The following UBAC2 variants were observed in gnomAD, a reference collection of about 807,000 sequenced individuals.
UBAC2 encodes ubiquitin-associated domain-containing protein 2.
UBAC2 carries 26 observed loss-of-function variants against 44.0 expected under a neutral mutation model. The ratio of observed to expected loss-of-function variants is 0.59; its 90% confidence interval spans 0.43 to 0.82. UBAC2 has a LOEUF of 0.82. Among genes scored for constraint, UBAC2 ranks in the 40% least tolerant of loss-of-function variants. The pLI is 0.00. For missense variants in UBAC2, 329 were observed against 419.4 expected, an observed-to-expected ratio of 0.78 and a Z score of 1.88; for synonymous variants, 155 against 154.3, an observed-to-expected ratio of 1.00 and a Z score of -0.04.
chr13:99,203,027 ATTTATTT>A (rs2042824633), intron 1 of UBAC2, among the ~76,000 whole-genome samples: 1 of 76,114 alleles, frequency 1.3e-5, no homozygotes, highest in Non-Finnish European at 3.2e-5. Context: ...GTTTTATTTT[ATTTATTT>A]ATTTATTTAT....
chr13:99,209,779 G>T (rs976778904), intron 1 of UBAC2, among the ~76,000 whole-genome samples: 1 of 152,190 alleles, frequency 6.6e-6, no homozygotes, highest in Non-Finnish European at 1.5e-5. Flanking sequence ...TTCGAGACCA[G>T]CCTGGCCAAC....
chr13:99,348,173 A>G (rs1458009064), intron 7 of UBAC2, among the ~76,000 whole-genome samples: 2 of 152,144 alleles, frequency 1.3e-5, no homozygotes, highest in African/African-American at 4.8e-5. Flanking sequence ...CTCTTGGAGG[A>G]CAGGAGCTGT....
intron 4 of UBAC2, among the ~76,000 whole-genome samples, chr13:99,249,389 G>T (rs1021344542): frequency 6.6e-6 from 1 of 152,142 alleles, no homozygotes; most frequent in African/African-American, 2.4e-5. Context: ...TTTTATGGCT[G>T]CATAATATTC....
intron 1 of UBAC2, chr13:99,201,560 G>A: frequency 6.2e-7 from 1 of 1,614,110 alleles, no homozygotes; most frequent in South Asian, 1.1e-5. Context: ...GTTAGCGGTG[G>A]TCAGCAGGTA....
intron 1 of UBAC2, among the ~76,000 whole-genome samples, chr13:99,231,687 A>G (rs2043174826): frequency 6.6e-6 from 1 of 151,980 alleles, no homozygotes; most frequent in African/African-American, 2.4e-5. Flanking sequence ...CTGGGATTAT[A>G]GATGTGAGCC....
intron 4 of UBAC2, among the ~76,000 whole-genome samples, chr13:99,281,406 C>T (rs1392505195): frequency 6.6e-6 from 1 of 152,030 alleles, no homozygotes; most frequent in Non-Finnish European, 1.5e-5. Context: ...AGTTCTCACA[C>T]TTTGGGCTCA....
chr13:99,312,124 T>TCACA (rs1218364314), intron 4 of UBAC2, among the ~76,000 whole-genome samples: 2 of 152,250 alleles, frequency 1.3e-5, no homozygotes, highest in African/African-American at 4.8e-5. Flanking sequence ...GTGTGTTGTA[T>TCACA]TTTGGTTTGG....
In UBAC2 at chr13:99,339,246, G is replaced by A. The variant is rs946791577; in HGVS notation, c.562-1074G>A. Among the ~76,000 whole-genome samples, 8 of 152,186 alleles carry A rather than the reference G, an allele frequency of 5.3e-5. No individual in the cohort carries two copies. In the East Asian group the frequency reaches 7.7e-4, roughly 15 times the overall value. Reference sequence around the variant, plus strand: ...CCCAGTTCATCAAGTCACGGGCACCGCATCATCCTTAAGATCTTCGCTCAA... The same window carrying A: ...CCCAGTTCATCAAGTCACGGGCACCACATCATCCTTAAGATCTTCGCTCAA... On this transcript the variant is annotated intron_variant, in intron 6 of 8. Transcript: ENST00000403766.
At chr13:99,345,761 GA>G (rs2044968577) in intron 7 of UBAC2, among the ~76,000 whole-genome samples, 1 of 40,744 alleles carries the variant, frequency 2.5e-5, no homozygotes, top group African/African-American at 9.9e-5. Flanking sequence ...TTTTTTTTTT[GA>G]GACAGAGTCT....
At chr13:99,343,205 C>T (rs2044919479) in intron 7 of UBAC2, among the ~76,000 whole-genome samples, 1 of 152,260 alleles carries the variant, frequency 6.6e-6, no homozygotes, top group Admixed American at 6.5e-5. Context: ...TGGGTCTCCA[C>T]TGCTGACCAC....
At chr13:99,382,159 G>A (rs1190950632) in intron 8 of UBAC2, among the ~76,000 whole-genome samples, 1 of 152,140 alleles carries the variant, frequency 6.6e-6, no homozygotes, top group Non-Finnish European at 1.5e-5. Flanking sequence ...AAGTTGTAGA[G>A]GTTTACTAAT....
intron 4 of UBAC2, among the ~76,000 whole-genome samples, chr13:99,290,728 CAAA>C (rs35343898): frequency 1.4e-4 from 13 of 93,752 alleles, no homozygotes; most frequent in African/African-American, 1.3e-4. Context: ...GTTTCACCAC[CAAA>C]AAAAAAAAAA....
chr13:99,215,696 C>T (rs557232055), intron 1 of UBAC2: 7 of 1,499,262 alleles, frequency 4.7e-6, no homozygotes, highest in East Asian at 4.6e-5. Context: ...CGGCTCTCTG[C>T]GAGCGGGAAA....
chr13:99,205,109 G>A (rs1407974256), intron 1 of UBAC2, among the ~76,000 whole-genome samples: 1 of 152,090 alleles, frequency 6.6e-6, no homozygotes, highest in African/African-American at 2.4e-5. Flanking sequence ...TCACCATATT[G>A]GCCAGGTTGG....
intron 7 of UBAC2, among the ~76,000 whole-genome samples, chr13:99,364,271 G>A (rs530812154): frequency 9.3e-5 from 14 of 151,152 alleles, no homozygotes; most frequent in Non-Finnish European, 1.6e-4. Flanking sequence ...TGAGATGAGC[G>A]TTTGATTTTT....
intron 4 of UBAC2, among the ~76,000 whole-genome samples, chr13:99,268,611 CA>C (rs756827927): frequency 4.2e-4 from 32 of 75,710 alleles, no homozygotes; most frequent in South Asian, 1.2e-3. Context: ...GACTCTGTCT[CA>C]AAAAAAAAAA....
chr13:99,277,370 A>G (rs2138677253), intron 4 of UBAC2, among the ~76,000 whole-genome samples: 1 of 152,214 alleles, frequency 6.6e-6, no homozygotes, highest in South Asian at 2.1e-4. Flanking sequence ...TACTAAAAAT[A>G]CAAAATTAGC....
chr13:99,301,751 C>T (rs998961151), intron 4 of UBAC2, among the ~76,000 whole-genome samples: 7 of 152,204 alleles, frequency 4.6e-5, no homozygotes, highest in Non-Finnish European at 8.8e-5. Context: ...CATGTACCTT[C>T]CATGGTCCTA....
chr13:99,330,471 A>AAAAAAAAG (rs1353965509), intron 6 of UBAC2, among the ~76,000 whole-genome samples: 1 of 149,188 alleles, frequency 6.7e-6, no homozygotes, highest in Non-Finnish European at 1.5e-5. Context: ...AAAAAAAAAA[A>AAAAAAAAG]AAAAAGAAAT....
Sources: gnomAD v4.1 joint callset for allele counts (sites outside exome capture counted in the v4.1 genomes callset) on GRCh38, gnomAD v4.1.1 for gene constraint, MANE v1.5 for transcripts, NCBI Gene and HGNC (gene_info 2026-07-23, HGNC 2026-07-21) for gene names.